Variants in ARRDC1 observed in about 807,000 individuals in gnomAD.
ARRDC1 encodes the protein arrestin domain-containing protein 1.
A neutral mutation model predicts 40.1 loss-of-function variants in ARRDC1; 37 were observed. The observed-to-expected ratio is 0.92, with a 90% CI of 0.71 to 1.21. ARRDC1 has a LOEUF of 1.21. ARRDC1 is among the 50% of genes most tolerant of loss of function. The probability of loss-of-function intolerance (pLI) is 0.00; values close to 1 mark genes in which losing one functional copy is unlikely to be tolerated. For missense variants in ARRDC1, 641 were observed against 581.9 expected (o/e 1.10, Z -1.04); for synonymous variants, 310 against 262.5 (o/e 1.18, Z -1.75).
rs200801384 is a variant in ARRDC1 at position 137,613,596 on chromosome 9, G to C, written c.281-19G>C. On this transcript the variant is annotated intron_variant, in intron 3 of 7. Transcript: ENST00000371421. ...CAGGGTGGAAGGCAGCCAGGTACCA[G>C]TGCCTGCTCTCTCCCCAGCCACTGC... 9.2e-5 allele frequency: 148 copies of C among 1,614,170 alleles called. 1 individual carries two copies. The East Asian group carries it at 3.3e-3, about 35-fold the overall frequency.
chr9:137,615,063 T>G lies in ARRDC1; in HGVS notation c.1238-11T>G, dbSNP rs1438769003. The G allele has an allele frequency of 2.5e-6, 4 of 1,605,734 alleles. No homozygotes were observed. In the African/African-American group the frequency reaches 4.0e-5, roughly 16 times the overall value. Reference sequence around the variant, plus strand: ...CAAGAGCCCCACGCAGACCCTGCTTTCTTCCCGCAGAGGCCCCACCGTCTT... The same window carrying G: ...CAAGAGCCCCACGCAGACCCTGCTTGCTTCCCGCAGAGGCCCCACCGTCTT... On this transcript the variant is annotated splice_polypyrimidine_tract_variant and intron_variant, in intron 7 of 7. Coordinates refer to ENST00000371421, the MANE Select transcript of ARRDC1 (RefSeq NM_152285.4).
intron 4 of ARRDC1, 67 bp downstream of exon 4, chr9:137,613,836 A>T: frequency 6.3e-7 from 1 of 1,590,712 alleles, no homozygotes; most frequent in South Asian, 1.1e-5. Context: ...AGAGCTGGGC[A>T]GGCACTGCTT....
In ARRDC1 at chr9:137,615,067, C is replaced by T; in HGVS notation, c.1238-7C>T. 1.2e-6 allele frequency: 2 copies of T among 1,603,070 alleles called. No homozygotes were observed. Among genetic ancestry groups the T allele is most frequent in the East Asian group, 2.2e-5 (1 of 44,710 alleles). ...AGCCCCACGCAGACCCTGCTTTCTT[C>T]CCGCAGAGGCCCCACCGTCTTATGA... On this transcript the variant is annotated splice_polypyrimidine_tract_variant and splice_region_variant and intron_variant, in intron 7 of 7. Coordinates refer to ENST00000371421, the MANE Select transcript of ARRDC1 (RefSeq NM_152285.4).
rs746400281 is a variant in ARRDC1, at chr9:137,613,761, G to A, written c.427G>A (p.Asp143Asn). The A allele has an allele frequency of 2.5e-6, 4 of 1,614,166 alleles. No homozygotes were observed. In the South Asian group the frequency reaches 4.4e-5, roughly 18 times the overall value. ...LSPLNLNSIP[D>N]IEQPNVASAT... ...CCCCTTGAACCTGAACAGCATCCCA[G>A]ACATTGAGGTGAGGATGGCACAGTG... The change falls in exon 4 of 8, where the codon GAC becomes AAC. Residue 143 changes from aspartate (D) to asparagine (N), a missense_variant. By Grantham distance (23) the Asp-to-Asn change is conservative. Coordinates refer to ENST00000371421, the MANE Select transcript of ARRDC1 (RefSeq NM_152285.4).
rs1842629292 is a variant in ARRDC1, at chr9:137,614,683, T to C, written c.920T>C (p.Val307Ala). Residue 307 changes from valine to alanine, a missense_variant, in exon 7 of 8, where the codon GTG becomes GCG. Physicochemically the swap from Val to Ala is moderately conservative, Grantham distance 64 (BLOSUM62 0). Transcript: ENST00000371421. Reference protein sequence around the residue: ...LGLPPGAPPLVVPSAPPQEEA... With the variant: ...LGLPPGAPPLAVPSAPPQEEA... ...CTGCCTCCTGGGGCCCCACCCCTGG[T>C]GGTGCCTTCCGCACCACCCCAGGAG... 1.2e-6 allele frequency: 2 copies of C among 1,612,002 alleles called. No individual in the cohort carries two copies. Among genetic ancestry groups the C allele is most frequent in the Non-Finnish European group, 1.7e-6 (2 of 1,179,680 alleles).
chr9:137,606,840 T>A (rs1389529525), intron 1 of ARRDC1, among the ~76,000 whole-genome samples: 1 of 152,050 alleles, frequency 6.6e-6, no homozygotes, highest in African/African-American at 2.4e-5. Flanking sequence ...ACAGGTGTGG[T>A]GTGTGGTGAG....
In ARRDC1 at chr9:137,614,727, G is replaced by C; in HGVS notation, c.964G>C (p.Ala322Pro). The change falls in exon 7 of 8, where the codon GCG (alanine) becomes CCG (proline). Residue 322 changes from alanine to proline, a missense_variant. Coordinates refer to ENST00000371421, the MANE Select transcript of ARRDC1 (RefSeq NM_152285.4). ...CCAGGAGGAGGCTGAGGCTGAGGCTGCGGCTGGCGGCCCCCACTTCTTGGA... is the reference window on the plus strand; with the variant it reads ...CCAGGAGGAGGCTGAGGCTGAGGCTCCGGCTGGCGGCCCCCACTTCTTGGA... ...PPQEEAEAEA[A>P]AGGPHFLDPV... The C allele has an allele frequency of 6.2e-7, 1 of 1,608,510 alleles. No individual in the cohort carries two copies. Among genetic ancestry groups the C allele is most frequent in the Non-Finnish European group, 8.5e-7 (1 of 1,177,588 alleles).
At position 137,607,425 on chromosome 9, in the gene ARRDC1, C is replaced by A. The variant is rs142501660; in HGVS notation, c.118+1590C>A. On this transcript the variant is annotated intron_variant, in intron 1 of 7. Transcript: ENST00000371421. ...AGTGTCGGTGACAGTCAGCACCCAG[C>A]CGTGAGGACACCGGCTGTCTAAAGG... Among the ~76,000 whole-genome samples the A allele has an allele frequency of 3.8e-3, 573 of 152,358 alleles. 3 individuals carry two copies. Among genetic ancestry groups the A allele is most frequent in the Non-Finnish European group, 6.7e-3 (458 of 68,034 alleles).
Position 137,614,108 on chromosome 9 carries a change from G to A in ARRDC1, c.512G>A (p.Ser171Asn). Reference sequence around the variant, plus strand: ...ACGGGCAGCGTGGTCCTCACAGCCAGCACTGATCTCCGCGGCTATGTGGTG... The same window carrying A: ...ACGGGCAGCGTGGTCCTCACAGCCAACACTGATCTCCGCGGCTATGTGGTG... ...VKTGSVVLTA[S>N]TDLRGYVVGQ... Residue 171 changes from serine (S) to asparagine (N), a missense_variant, in exon 5 of 8, where the codon AGC (serine) becomes AAC (asparagine). Ser to Asn is a conservative substitution (Grantham distance 46, BLOSUM62 1). Coordinates refer to ENST00000371421, the MANE Select transcript of ARRDC1 (RefSeq NM_152285.4). 6.2e-7 allele frequency: 1 copy of A among 1,613,846 alleles called. No individual in the cohort carries two copies. The highest frequency in any genetic ancestry group is 8.5e-7 in the Non-Finnish European group (1 of 1,179,980).
chr9:137,605,734 T>A lies in ARRDC1; in HGVS notation c.17T>A (p.Leu6His). The change falls in exon 1 of 8, where the codon CTC (leucine) becomes CAC (histidine). Residue 6 changes from leucine (L) to histidine (H), a missense_variant. By Grantham distance (99) the Leu-to-His change is moderately conservative (BLOSUM62 -3). Transcript: ENST00000371421. MGRVQ[L>H]FEISLSHGRV... ...GGCCGCGGCATGGGGCGAGTGCAGC[T>A]CTTCGAGATCAGCCTGAGCCACGGC... The A allele has an allele frequency of 7.2e-7, 1 of 1,385,202 alleles. No individual in the cohort carries two copies. Among genetic ancestry groups the A allele is most frequent in the Non-Finnish European group, 9.4e-7 (1 of 1,066,072 alleles). 85.8% of individuals were successfully genotyped at this position (1,385,202 alleles called of 1,614,324 possible). A position where few individuals can be genotyped will look rare whatever the true frequency, so the allele number is the denominator to read the frequency against.
chr9:137,606,020 G>T (rs1468988159), intron 1 of ARRDC1, among the ~76,000 whole-genome samples, 185 bp downstream of exon 1: 1 of 151,614 alleles, frequency 6.6e-6, no homozygotes, highest in African/African-American at 2.4e-5. Flanking sequence ...TTCCGCGTCT[G>T]CCCTTCCTGC....
Position 137,613,680 on chromosome 9 carries a change from C to T in ARRDC1, c.346C>T (p.His116Tyr). Residue 116 changes from histidine to tyrosine, a missense_variant, in exon 4 of 8, where the codon CAC becomes TAC. Physicochemically the swap from His to Tyr is moderately conservative, Grantham distance 83. Coordinates refer to ENST00000371421, the MANE Select transcript of ARRDC1 (RefSeq NM_152285.4). ...KIVHQVRAAIHTPRFSKDHKC... is the reference protein window; with the variant it reads ...KIVHQVRAAIYTPRFSKDHKC... ...CGTGCACCAGGTGAGGGCCGCCATC[C>T]ACACGCCACGGTTTTCCAAGGATCA... is the stretch of plus-strand genomic sequence containing the variant. 1.2e-6 allele frequency: 2 copies of T among 1,614,086 alleles called. No individual in the cohort carries two copies. The highest frequency in any genetic ancestry group is 1.1e-5 in the South Asian group (1 of 91,076).
chr9:137,607,167 TG>T, intron 1 of ARRDC1, among the ~76,000 whole-genome samples: 1 of 152,336 alleles, frequency 6.6e-6, no homozygotes, highest in East Asian at 1.9e-4. Context: ...TGGGCCCTGA[TG>T]GGCCAGAGAG....
Position 137,614,612 on chromosome 9 carries a change from T to C in ARRDC1, c.849T>C (p.Asn283=), listed in dbSNP as rs1842624521. The change falls in exon 7 of 8, where the codon AAT becomes AAC. Residue 283 remains asparagine (N), a synonymous_variant. Transcript: ENST00000371421. The part of the protein sequence containing the change: ...ATVTLPVFIG[N]IAVNHAPVSP... ...TGACCCTCCCGGTCTTCATTGGCAA[T>C]ATTGCTGTGAACCATGCCCCAGTGA... 1 of 1,612,710 alleles carries C rather than the reference T, an allele frequency of 6.2e-7. No homozygotes were observed. Among genetic ancestry groups the C allele is most frequent in the Non-Finnish European group, 8.5e-7 (1 of 1,179,850 alleles).
chr9:137,612,105 C>G (rs956525932), intron 1 of ARRDC1: 2 of 152,680 alleles, frequency 1.3e-5, no homozygotes, highest in Middle Eastern at 3.4e-3. Flanking sequence ...GGGTCTTGTG[C>G]TGTGTGTACT....
intron 1 of ARRDC1, among the ~76,000 whole-genome samples, chr9:137,611,291 G>A (rs1842511895): frequency 6.6e-6 from 1 of 152,196 alleles, no homozygotes; most frequent in East Asian, 1.9e-4. Flanking sequence ...GCTCATGCCT[G>A]TAATCCCAAC....
chr9:137,611,583 C>CA (rs1842520466), intron 1 of ARRDC1: 3 of 108,614 alleles, frequency 2.8e-5, no homozygotes, highest in Non-Finnish European at 3.9e-5. Flanking sequence ...ACAACAACAA[C>CA]AACAAAAAAA....
At position 137,614,656 on chromosome 9, in the gene ARRDC1, G is replaced by A; in HGVS notation, c.893G>A (p.Gly298Glu). 1 of 1,612,642 alleles carries A rather than the reference G, an allele frequency of 6.2e-7. No homozygotes were observed. The highest frequency in any genetic ancestry group is 8.5e-7 in the Non-Finnish European group (1 of 1,179,794). ...CCAGTGAGCCCCCGGCCAGGCCTGG[G>A]GCTGCCTCCTGGGGCCCCACCCCTG... is the stretch of plus-strand genomic sequence containing the variant. ...HAPVSPRPGL[G>E]LPPGAPPLVV... is the part of the protein sequence containing the mutation. The change falls in exon 7 of 8, where the codon GGG becomes GAG. Residue 298 changes from glycine (G) to glutamate (E), a missense_variant. Transcript: ENST00000371421.
In ARRDC1 at chr9:137,614,905, C is replaced by T. The variant is rs2133352241; in HGVS notation, c.1142C>T (p.Thr381Ile). The part of the protein sequence containing the change: ...HPPLCISTGA[T>I]VPYFAEGSGG... ...CCCTTGTGCATTTCAACAGGTGCCACTGTCCCCTACTTTGCAGAGGGCTCC... is the reference window on the plus strand; with the variant it reads ...CCCTTGTGCATTTCAACAGGTGCCATTGTCCCCTACTTTGCAGAGGGCTCC... Residue 381 changes from threonine (T) to isoleucine (I), a missense_variant, in exon 7 of 8, where the codon ACT (threonine) becomes ATT (isoleucine). Physicochemically the swap from Thr to Ile is moderately conservative, Grantham distance 89 (BLOSUM62 -1). Transcript: ENST00000371421. 6.8e-6 allele frequency: 11 copies of T among 1,613,904 alleles called. No homozygotes were observed. The highest frequency in any genetic ancestry group is 1.6e-4 in the Middle Eastern group (1 of 6,062).
Sources: gnomAD v4.1 joint callset for allele counts (sites outside exome capture counted in the v4.1 genomes callset) on GRCh38, gnomAD v4.1.1 for gene constraint, MANE v1.5 for transcripts, NCBI Gene and HGNC (gene_info 2026-07-23, HGNC 2026-07-21) for gene names.